The following DOCK2 variants were observed in gnomAD, a reference collection of about 807,000 sequenced individuals.
DOCK2 encodes dedicator of cytokinesis 2, also known as dedicator of cytokinesis protein 2.
Under a neutral mutation model 248.9 loss-of-function variants are expected in DOCK2, and 87 were observed. That is an observed-to-expected ratio of 0.35 (90% CI 0.29 to 0.42). DOCK2 has a LOEUF of 0.42. Ranked by LOEUF, DOCK2 falls within the 10% of genes least tolerant of loss-of-function variation. The pLI is 1.00. For missense variants in DOCK2, 1,747 were observed against 2,300.2 expected (o/e 0.76, Z 4.92); for synonymous variants, 805 against 821.6 (o/e 0.98, Z 0.35).
intron 27 of DOCK2, among the ~76,000 whole-genome samples, chr5:169,976,121 A>G (rs975001387): frequency 1.3e-5 from 2 of 152,210 alleles, no homozygotes; most frequent in Non-Finnish European, 2.9e-5. Context: ...AATAAATTCA[A>G]TCTCCCATCT....
chr5:169,789,541 C>A (rs1428603423), intron 25 of DOCK2, among the ~76,000 whole-genome samples: 1 of 152,228 alleles, frequency 6.6e-6, no homozygotes, highest in Non-Finnish European at 1.5e-5. Context: ...GAGCTCATTA[C>A]ATGTCTTTAA....
chr5:169,819,490 A>G (rs1242089582), intron 26 of DOCK2, among the ~76,000 whole-genome samples: 4 of 152,122 alleles, frequency 2.6e-5, no homozygotes, highest in Non-Finnish European at 5.9e-5. Context: ...TCATGGTAGC[A>G]TGCACCTGTA....
intron 27 of DOCK2, among the ~76,000 whole-genome samples, chr5:169,925,285 A>G (rs1775376785): frequency 6.6e-6 from 1 of 152,146 alleles, no homozygotes; most frequent in South Asian, 2.1e-4. Context: ...GGTGACTGAA[A>G]CCCTGCAGGT....
Position 169,849,581 on chromosome 5 carries a change from G to C in DOCK2, c.2799+8729G>C, listed in dbSNP as rs531990085. Among the ~76,000 whole-genome samples the C allele has an allele frequency of 1.2e-4, 19 of 152,338 alleles. No individual in the cohort carries two copies. The South Asian group carries it at 3.9e-3, about 32-fold the overall frequency. ...GGCACAGAATTTTTGGTGGTTTTAT[G>C]ATGACAATGATATGTTTAGGATTGA... On this transcript the variant is annotated intron_variant, in intron 27 of 51. Coordinates refer to ENST00000520908, the MANE Select transcript of DOCK2 (RefSeq NM_004946.3).
chr5:169,806,563 C>T (rs535643724), intron 26 of DOCK2, among the ~76,000 whole-genome samples: 1 of 152,302 alleles, frequency 6.6e-6, no homozygotes, highest in South Asian at 2.1e-4. Context: ...ATGTTAAATC[C>T]TCAGACTGGA....
chr5:170,062,424 T>C (rs887181087), intron 44 of DOCK2, among the ~76,000 whole-genome samples: 1 of 152,084 alleles, frequency 6.6e-6, no homozygotes, highest in Non-Finnish European at 1.5e-5. Flanking sequence ...TACCAGGCAC[T>C]GAGTAAACAT....
At chr5:169,756,916 A>G (rs1327712058) in intron 23 of DOCK2, among the ~76,000 whole-genome samples, 1 of 141,572 alleles carries the variant, frequency 7.1e-6, no homozygotes, top group Non-Finnish European at 1.5e-5. Flanking sequence ...CAAGAGTGAA[A>G]CTCTGTCTCA....
At chr5:169,880,617 C>G (rs776195655) in intron 27 of DOCK2, among the ~76,000 whole-genome samples, 4 of 152,210 alleles carry the variant, frequency 2.6e-5, no homozygotes, top group Non-Finnish European at 4.4e-5. Context: ...TAAACCCTTG[C>G]ATTTGTTCAG....
chr5:169,929,741 C>CAAAAAA (rs1211612989), intron 27 of DOCK2, among the ~76,000 whole-genome samples: 1 of 62,958 alleles, frequency 1.6e-5, no homozygotes, highest in African/African-American at 5.5e-5. Flanking sequence ...GACCCTGTCT[C>CAAAAAA]AAAAAAAAAA....
intron 22 of DOCK2, among the ~76,000 whole-genome samples, chr5:169,741,729 C>G (rs1435455788): frequency 1.3e-5 from 2 of 152,082 alleles, no homozygotes; most frequent in African/African-American, 4.8e-5. Context: ...GGATGCCTCC[C>G]TACCCACTGA....
chr5:169,748,594 CAG>C (rs1763740689), intron 23 of DOCK2, among the ~76,000 whole-genome samples: 1 of 152,118 alleles, frequency 6.6e-6, no homozygotes, highest in Non-Finnish European at 1.5e-5. Context: ...CTTCAACACT[CAG>C]AATAATCCTG....
At chr5:169,700,929 A>T (rs1760932326) in intron 13 of DOCK2, among the ~76,000 whole-genome samples, 1 of 107,510 alleles carries the variant, frequency 9.3e-6, no homozygotes, top group Non-Finnish European at 1.9e-5. Context: ...AAGAAAAGAC[A>T]AGAAAAAGAA....
intron 2 of DOCK2, among the ~76,000 whole-genome samples, chr5:169,660,995 A>G (rs1758417746): frequency 6.6e-6 from 1 of 152,148 alleles, no homozygotes; most frequent in Non-Finnish European, 1.5e-5. Flanking sequence ...GATATTATAA[A>G]TCCATAGGTC....
intron 27 of DOCK2, among the ~76,000 whole-genome samples, chr5:169,850,689 A>G (rs957813273): frequency 3.3e-5 from 5 of 152,182 alleles, no homozygotes; most frequent in African/African-American, 9.6e-5. Context: ...TTGCCTTAAT[A>G]AGGACTTTGG....
chr5:169,724,406 A>T (rs1344484795), intron 22 of DOCK2, among the ~76,000 whole-genome samples: 2 of 152,180 alleles, frequency 1.3e-5, no homozygotes, highest in Non-Finnish European at 2.9e-5. Context: ...AGAAAAGTTG[A>T]CACAGGGCAG....
intron 25 of DOCK2, among the ~76,000 whole-genome samples, chr5:169,790,384 T>C (rs1766259778): frequency 6.6e-6 from 1 of 152,086 alleles, no homozygotes; most frequent in Non-Finnish European, 1.5e-5. Context: ...CAAACAGAAA[T>C]TAAAAAGGAC....
At chr5:169,906,152 C>T (rs915529953) in intron 27 of DOCK2, among the ~76,000 whole-genome samples, 1 of 152,178 alleles carries the variant, frequency 6.6e-6, no homozygotes, top group Non-Finnish European at 1.5e-5. Context: ...AGTAAATCCT[C>T]AATGAGCGAT....
chr5:169,969,830 C>G (rs558914801), intron 27 of DOCK2, among the ~76,000 whole-genome samples: 29 of 152,390 alleles, frequency 1.9e-4, no homozygotes, highest in African/African-American at 7.0e-4. Context: ...AGGGCCTGCT[C>G]TCTTCAGGGG....
intron 27 of DOCK2, among the ~76,000 whole-genome samples, chr5:169,926,866 T>TA (rs1051244220): frequency 6.6e-6 from 1 of 151,746 alleles, no homozygotes; most frequent in African/African-American, 2.4e-5. Context: ...CTAGGTCTTC[T>TA]AAAAAAAAGA....
Sources: allele counts gnomAD v4.1 joint callset (sites outside exome capture counted in the v4.1 genomes callset), GRCh38; gene constraint gnomAD v4.1.1; transcripts MANE v1.5; gene names NCBI Gene and HGNC (gene_info 2026-07-23, HGNC 2026-07-21).